Variants in NKAIN3 observed in about 807,000 individuals in gnomAD.
NKAIN3 encodes the protein sodium/potassium-transporting ATPase subunit beta-1-interacting protein 3.
Under a neutral mutation model 30.2 loss-of-function variants are expected in NKAIN3, and 25 were observed. The observed-to-expected ratio is 0.83, with a 90% CI of 0.60 to 1.16. The LOEUF is 1.16. Among genes scored for constraint, NKAIN3 ranks in the 50% most tolerant of loss-of-function variants. The pLI is 0.00. For missense variants in NKAIN3, 225 were observed against 254.1 expected, an observed-to-expected ratio of 0.89 and a Z score of 0.78; for synonymous variants, 91 against 89.6, an observed-to-expected ratio of 1.02 and a Z score of -0.09.
chr8:62,937,323 G>C (rs34371344), intron 5 of NKAIN3, among the ~76,000 whole-genome samples: 13,245 of 152,164 alleles, frequency 0.087, 739 homozygotes, highest in East Asian at 0.23. Flanking sequence ...TTGCCACTGC[G>C]TACTCCGTGA....
At position 62,969,162 on chromosome 8, in the gene NKAIN3, T is replaced by C. The variant is rs1823778596; in HGVS notation, c.*3755T>C. Reference sequence around the variant, plus strand: ...ACTTTGCCCTAGCAAAATATTGACTTCTTTGATTTTTCCTTCAGAAAAATA... The same window carrying C: ...ACTTTGCCCTAGCAAAATATTGACTCCTTTGATTTTTCCTTCAGAAAAATA... On this transcript the variant is annotated 3_prime_UTR_variant, in exon 7 of 7. Transcript: ENST00000623646. Among the ~76,000 whole-genome samples, 1 of 152,210 alleles carries C rather than the reference T, an allele frequency of 6.6e-6. No homozygotes were observed. The highest frequency in any genetic ancestry group is 2.4e-5 in the African/African-American group (1 of 41,460).
intron 1 of NKAIN3, among the ~76,000 whole-genome samples, chr8:62,534,088 T>C (rs933519365): frequency 1.8e-4 from 27 of 152,100 alleles, no homozygotes; most frequent in African/African-American, 6.0e-4. Context: ...TCTGAGTCTC[T>C]CTCTATTGTC....
intron 1 of NKAIN3, among the ~76,000 whole-genome samples, chr8:62,283,819 A>G (rs1244968904): frequency 6.6e-6 from 1 of 152,084 alleles, no homozygotes; most frequent in African/African-American, 2.4e-5. Flanking sequence ...CAAATATTTT[A>G]TTTTAGAAAT....
In NKAIN3 at chr8:62,620,513, G is replaced by A. The variant is rs147591685; in HGVS notation, c.273+30719G>A. On this transcript the variant is annotated intron_variant, in intron 3 of 6. Coordinates refer to ENST00000623646, the MANE Select transcript of NKAIN3 (RefSeq NM_001304533.3). Reference sequence around the variant, plus strand: ...AATTTCCTCAACCAACAATTTAAGAGATGCAGGGGTAATTTCAAATATATG... The same window carrying A: ...AATTTCCTCAACCAACAATTTAAGAAATGCAGGGGTAATTTCAAATATATG... 1.1e-3 allele frequency among the ~76,000 whole-genome samples: 160 copies of A among 152,228 alleles called. 1 individual carries two copies. Among genetic ancestry groups the A allele is most frequent in the African/African-American group, 3.4e-3 (143 of 41,554 alleles).
At chr8:62,789,597 C>T (rs1036007534) in intron 4 of NKAIN3, among the ~76,000 whole-genome samples, 12 of 151,174 alleles carry the variant, frequency 7.9e-5, no homozygotes, top group Non-Finnish European at 1.5e-4. Flanking sequence ...AGAGAAGAAT[C>T]AAATAGATGC....
intron 3 of NKAIN3, among the ~76,000 whole-genome samples, chr8:62,654,375 A>C (rs1256926642): frequency 1.3e-5 from 2 of 152,116 alleles, no homozygotes; most frequent in East Asian, 1.9e-4. Context: ...AGGCAAGCAG[A>C]AAATAATTCA....
chr8:62,503,114 A>C (rs1334380154), intron 1 of NKAIN3, among the ~76,000 whole-genome samples: 2 of 152,050 alleles, frequency 1.3e-5, no homozygotes, highest in Admixed American at 1.3e-4. Flanking sequence ...GGGGGAACCC[A>C]CTCCCAATAT....
chr8:62,496,878 G>A (rs1401793170), intron 1 of NKAIN3, among the ~76,000 whole-genome samples: 4 of 152,022 alleles, frequency 2.6e-5, no homozygotes, highest in Admixed American at 2.0e-4. Context: ...ATTTCCGTAC[G>A]TGGCCTCCAA....
At chr8:62,735,890 C>G (rs1180299410) in intron 3 of NKAIN3, among the ~76,000 whole-genome samples, 2 of 152,026 alleles carry the variant, frequency 1.3e-5, no homozygotes, top group African/African-American at 2.4e-5. Context: ...GAGAGCTGAA[C>G]TGCAGTGATT....
chr8:62,762,884 T>TA (rs368982598), intron 4 of NKAIN3, among the ~76,000 whole-genome samples: 129 of 149,116 alleles, frequency 8.7e-4, no homozygotes, highest in Non-Finnish European at 1.7e-3. Context: ...AAACACAGAC[T>TA]AAAAAAAAAA....
chr8:62,814,004 G>A (rs1818582400), intron 4 of NKAIN3, among the ~76,000 whole-genome samples: 1 of 152,030 alleles, frequency 6.6e-6, no homozygotes, highest in Admixed American at 6.6e-5. Flanking sequence ...TGAGAAATCT[G>A]TTGTTAGTCT....
rs1052070769 is a variant in NKAIN3, at chr8:62,978,912, G to A, written c.*13505G>A. 1.2e-4 allele frequency: 18 copies of A among 153,760 alleles called. No homozygotes were observed. Among genetic ancestry groups the A allele is most frequent in the African/African-American group, 2.4e-4 (10 of 41,572 alleles). 9.5% of individuals were successfully genotyped at this position (153,760 alleles called of 1,614,324 possible). A position where few individuals can be genotyped will look rare whatever the true frequency, so the allele number is the denominator to read the frequency against. On this transcript the variant is annotated 3_prime_UTR_variant, in exon 7 of 7. Transcript: ENST00000623646. Reference sequence around the variant, plus strand: ...ATGGGAAAAGCGTAGTATCTGGACCGGAGTGCACCCCCACTCACGGCATGG... The same window carrying A: ...ATGGGAAAAGCGTAGTATCTGGACCAGAGTGCACCCCCACTCACGGCATGG...
intron 1 of NKAIN3, among the ~76,000 whole-genome samples, chr8:62,319,725 A>G (rs1292673449): frequency 6.6e-6 from 1 of 152,012 alleles, no homozygotes; most frequent in Non-Finnish European, 1.5e-5. Flanking sequence ...GTTCTTTCAC[A>G]TTTGCTGAGG....
chr8:62,577,832 A>G (rs937626460), intron 1 of NKAIN3, among the ~76,000 whole-genome samples: 1 of 151,980 alleles, frequency 6.6e-6, no homozygotes, highest in Non-Finnish European at 1.5e-5. Flanking sequence ...CATGATCAGG[A>G]AATACCCGTG....
intron 3 of NKAIN3, among the ~76,000 whole-genome samples, chr8:62,726,437 A>G (rs980950657): frequency 2.0e-5 from 3 of 152,042 alleles, no homozygotes; most frequent in African/African-American, 4.8e-5. Flanking sequence ...AGTCTGTATT[A>G]TATGGCTTTT....
intron 1 of NKAIN3, among the ~76,000 whole-genome samples, chr8:62,346,010 A>G (rs1470137587): frequency 6.6e-6 from 1 of 152,110 alleles, no homozygotes; most frequent in Non-Finnish European, 1.5e-5. Flanking sequence ...TGTGTGGAGT[A>G]TAAAGAAGTT....
intron 1 of NKAIN3, among the ~76,000 whole-genome samples, chr8:62,500,461 GA>G (rs1217330974): frequency 4.1e-4 from 51 of 123,594 alleles, no homozygotes; most frequent in Middle Eastern, 3.8e-3. Flanking sequence ...AAGAAAGAAA[GA>G]AAGAAAGAAA....
chr8:62,478,498 A>T (rs1806595126), intron 1 of NKAIN3, among the ~76,000 whole-genome samples: 1 of 152,212 alleles, frequency 6.6e-6, no homozygotes, highest in South Asian at 2.1e-4. Context: ...AGTCCTTCAC[A>T]TCCAGCTTCC....
At chr8:62,997,769 AAAG>A (rs1398963969) in intron 5 of NKAIN3, among the ~76,000 whole-genome samples, 1 of 151,964 alleles carries the variant, frequency 6.6e-6, no homozygotes, top group Non-Finnish European at 1.5e-5. Flanking sequence ...AAAAAAAAAA[AAAG>A]AGGAGGAGGA....
Sources: gnomAD v4.1 joint callset for allele counts (sites outside exome capture counted in the v4.1 genomes callset) on GRCh38, gnomAD v4.1.1 for gene constraint, MANE v1.5 for transcripts, NCBI Gene and HGNC (gene_info 2026-07-23, HGNC 2026-07-21) for gene names.